The following GNA12 variants were observed in gnomAD, a reference collection of about 807,000 sequenced individuals.
The protein encoded by GNA12 is G protein subunit alpha 12.
A neutral mutation model predicts 26.0 loss-of-function variants in GNA12; 9 were observed. That is an observed-to-expected ratio of 0.35 (90% CI 0.21 to 0.60). GNA12 has a LOEUF of 0.60. Ranked by LOEUF, GNA12 falls within the 20% of genes least tolerant of loss-of-function variation. The probability of loss-of-function intolerance (pLI) is 0.78; values close to 1 mark genes in which losing one functional copy is unlikely to be tolerated. For synonymous variants in GNA12, 264 were observed against 219.6 expected (o/e 1.20, Z -1.79); for missense variants, 405 against 525.8 (o/e 0.77, Z 2.25).
chr7:2,821,659 G>C (rs570959157), intron 1 of GNA12, among the ~76,000 whole-genome samples: 1 of 152,176 alleles, frequency 6.6e-6, no homozygotes, highest in African/African-American at 2.4e-5. Context: ...CCTGCTCCTC[G>C]TTTTCCTCCA....
chr7:2,797,815 A>C (rs1036560488), intron 1 of GNA12, among the ~76,000 whole-genome samples: 7 of 152,212 alleles, frequency 4.6e-5, no homozygotes, highest in Non-Finnish European at 1.0e-4. Context: ...TAGTTCTACC[A>C]ATCCACAAAC....
intron 1 of GNA12, among the ~76,000 whole-genome samples, chr7:2,804,691 G>A (rs1210398135): frequency 3.3e-5 from 5 of 152,250 alleles, no homozygotes; most frequent in East Asian, 1.9e-4. Flanking sequence ...TGGCCCATTC[G>A]TTGGGGCCAT....
intron 1 of GNA12, among the ~76,000 whole-genome samples, chr7:2,836,964 G>A (rs1468482360): frequency 6.6e-6 from 1 of 152,102 alleles, no homozygotes; most frequent in Admixed American, 6.6e-5. Context: ...AACATCAGCA[G>A]AGAAACCACA....
intron 2 of GNA12, among the ~76,000 whole-genome samples, chr7:2,738,906 G>T (rs570589975): frequency 1.3e-5 from 2 of 152,230 alleles, no homozygotes; most frequent in East Asian, 3.9e-4. Context: ...CCACGCTTTG[G>T]CCCCCTTGCC....
At chr7:2,793,299 G>A (rs1434709390) in intron 2 of GNA12, among the ~76,000 whole-genome samples, 1 of 144,984 alleles carries the variant, frequency 6.9e-6, no homozygotes, top group East Asian at 1.9e-4. Context: ...AGGAAGCAGC[G>A]GACAGGACGC....
At chr7:2,833,184 C>G (rs542173801) in intron 1 of GNA12, among the ~76,000 whole-genome samples, 2 of 152,200 alleles carry the variant, frequency 1.3e-5, no homozygotes, top group South Asian at 2.1e-4. Context: ...ATAATAGTTA[C>G]GGCATGAAAT....
At chr7:2,749,441 C>T (rs1000987511) in intron 2 of GNA12, among the ~76,000 whole-genome samples, 1 of 145,888 alleles carries the variant, frequency 6.9e-6, no homozygotes, top group Non-Finnish European at 1.5e-5. Flanking sequence ...TGTTCTCACT[C>T]ATAGGTGGGA....
Position 2,844,140 on chromosome 7 carries a change from G to C in GNA12, c.22C>G (p.Leu8Val). The change falls in exon 1 of 4, where the codon CTC becomes GTC. Residue 8 changes from leucine to valine, a missense_variant. Transcript: ENST00000275364. ...TCGGCCGGCAGCAGGCAGCGGCTGA[G>C]GGTCCGCACCACCCCGGACATGGCC... MSGVVRT[L>V]SRCLLPAEAG... 1 of 986,616 alleles carries C rather than the reference G, an allele frequency of 1.0e-6. No homozygotes were observed. Among genetic ancestry groups the C allele is most frequent in the Non-Finnish European group, 1.2e-6 (1 of 832,420 alleles). The allele number at this position is 986,616 out of a possible 1,614,324, so 61.1% of individuals were successfully genotyped here. A position where few individuals can be genotyped will look rare whatever the true frequency, so the allele number is the denominator to read the frequency against.
intron 2 of GNA12, among the ~76,000 whole-genome samples, chr7:2,737,288 T>TG: frequency 2.6e-5 from 1 of 39,194 alleles, no homozygotes; most frequent in Admixed American, 3.5e-4. Context: ...TTTTTTTTTT[T>TG]GTTTTTTTTT....
chr7:2,832,785 T>A (rs1452772173), intron 1 of GNA12, among the ~76,000 whole-genome samples: 7 of 152,158 alleles, frequency 4.6e-5, no homozygotes, highest in African/African-American at 1.2e-4. Flanking sequence ...GGGTCAGGGA[T>A]GTTTTCTTCC....
chr7:2,775,613 G>C (rs1352634683), intron 2 of GNA12: 1 of 152,218 alleles, frequency 6.6e-6, no homozygotes, highest in Non-Finnish European at 1.5e-5. Context: ...GCGAAACTTG[G>C]ATACTAAACG....
chr7:2,799,908 C>G (rs996201360), intron 1 of GNA12, among the ~76,000 whole-genome samples: 1 of 152,180 alleles, frequency 6.6e-6, no homozygotes, highest in Non-Finnish European at 1.5e-5. Context: ...GCGGAGACCC[C>G]GGACCTCTCA....
intron 2 of GNA12, among the ~76,000 whole-genome samples, chr7:2,739,701 G>C (rs868570744): frequency 1.6e-4 from 24 of 152,228 alleles, no homozygotes; most frequent in South Asian, 4.1e-4. Context: ...TTAAAATGGA[G>C]TCTCGCCCCG....
chr7:2,814,481 C>G, intron 1 of GNA12: 1 of 822,680 alleles, frequency 1.2e-6, no homozygotes, highest in Non-Finnish European at 2.1e-6. Context: ...TCCAAGCTCA[C>G]AAATAAAATC....
intron 2 of GNA12, among the ~76,000 whole-genome samples, chr7:2,767,626 T>C (rs1449206054): frequency 1.3e-5 from 2 of 152,206 alleles, no homozygotes; most frequent in Non-Finnish European, 2.9e-5. Flanking sequence ...AAATCAACTC[T>C]TGGCTGGCGC....
chr7:2,766,970 G>A (rs1480382634), intron 2 of GNA12, among the ~76,000 whole-genome samples: 2 of 152,142 alleles, frequency 1.3e-5, no homozygotes, highest in African/African-American at 4.8e-5. Context: ...ATTTTGATTT[G>A]CATTTCTCTG....
intron 2 of GNA12, among the ~76,000 whole-genome samples, chr7:2,775,839 C>T (rs759003091): frequency 1.3e-5 from 2 of 152,226 alleles, no homozygotes; most frequent in African/African-American, 4.8e-5. Flanking sequence ...TCCTCCCCTC[C>T]CTTCATCCCT....
At chr7:2,808,205 G>A (rs1583298393) in intron 1 of GNA12, among the ~76,000 whole-genome samples, 1 of 152,190 alleles carries the variant, frequency 6.6e-6, no homozygotes, top group African/African-American at 2.4e-5. Context: ...TCCTTCTCAC[G>A]CATACCCAAC....
chr7:2,768,306 G>C (rs1043673565), intron 2 of GNA12, among the ~76,000 whole-genome samples: 1 of 152,216 alleles, frequency 6.6e-6, no homozygotes, highest in African/African-American at 2.4e-5. Context: ...TAGTGACTAA[G>C]GAATTGCTAA....
Sources: gnomAD v4.1 joint callset for allele counts (sites outside exome capture counted in the v4.1 genomes callset) on GRCh38, gnomAD v4.1.1 for gene constraint, MANE v1.5 for transcripts, NCBI Gene and HGNC (gene_info 2026-07-23, HGNC 2026-07-21) for gene names.